The following FKBP1B variants were observed in gnomAD, a reference collection of about 807,000 sequenced individuals.
FKBP1B encodes the protein FKBP prolyl isomerase 1B, also known as peptidyl-prolyl cis-trans isomerase FKBP1B.
In FKBP1B, 4 loss-of-function variants were observed where a neutral mutation model predicts 13.5. The observed-to-expected ratio is 0.30, with a 90% CI of 0.15 to 0.68. The LOEUF (loss-of-function observed/expected upper bound fraction) is 0.68. FKBP1B is among the 30% of genes least tolerant of loss of function. FKBP1B has a pLI of 0.76. For synonymous variants in FKBP1B, 54 were observed against 53.6 expected, an observed-to-expected ratio of 1.01 and a Z score of -0.03; for missense variants, 93 against 136.2, an observed-to-expected ratio of 0.68 and a Z score of 1.58.
At chr2:24,058,754 G>A (rs990459717) in intron 2 of FKBP1B, among the ~76,000 whole-genome samples, 1 of 152,216 alleles carries the variant, frequency 6.6e-6, no homozygotes, top group Non-Finnish European at 1.5e-5. Flanking sequence ...GAGTGCATAA[G>A]TGCATGTGAG....
At chr2:24,039,803 CT>C in the FKBP1B span, among the ~76,000 whole-genome samples, 322 of 146,874 alleles carry the variant, frequency 2.2e-3, 1 homozygote, top group Middle Eastern at 7.1e-3. Context: ...TATTTTTCTT[CT>C]TTTTTTTTTT....
chr2:24,039,421 C>T, the FKBP1B span: 6 of 1,614,246 alleles, frequency 3.7e-6, no homozygotes, highest in Non-Finnish European at 5.1e-6. Context: ...CCAGGCAAGG[C>T]CATGGATCGG....
At chr2:24,042,535 C>CAA in the FKBP1B span, among the ~76,000 whole-genome samples, 348 of 61,234 alleles carry the variant, frequency 5.7e-3, 4 homozygotes, top group Middle Eastern at 0.012. Context: ...TACTCCGTCT[C>CAA]AAAAAAAAAA....
the FKBP1B span, among the ~76,000 whole-genome samples, chr2:24,034,192 G>A: frequency 1.3e-5 from 2 of 152,130 alleles, no homozygotes; most frequent in African/African-American, 4.8e-5. Flanking sequence ...AGGCCAAGGC[G>A]GGTGGATCAC....
intron 2 of FKBP1B, among the ~76,000 whole-genome samples, chr2:24,055,538 G>A (rs1363062733): frequency 6.6e-6 from 1 of 152,068 alleles, no homozygotes; most frequent in African/African-American, 2.4e-5. Context: ...TTGTCTCCAT[G>A]GATTGGTTTT....
At chr2:24,037,031 T>A in the FKBP1B span, among the ~76,000 whole-genome samples, 1 of 152,238 alleles carries the variant, frequency 6.6e-6, no homozygotes, top group East Asian at 1.9e-4. Flanking sequence ...GAACATAACC[T>A]TTTCCTTTTT....
the FKBP1B span, among the ~76,000 whole-genome samples, chr2:24,037,357 A>G: frequency 6.6e-6 from 1 of 152,226 alleles, no homozygotes; most frequent in African/African-American, 2.4e-5. Flanking sequence ...GAGTATCTCT[A>G]TTATATAAGG....
the FKBP1B span, among the ~76,000 whole-genome samples, chr2:24,035,842 G>A: frequency 1.3e-5 from 2 of 151,676 alleles, no homozygotes; most frequent in Non-Finnish European, 2.9e-5. Context: ...AGGCCAAGGC[G>A]GGCAGATCAC....
intron 1 of FKBP1B, among the ~76,000 whole-genome samples, chr2:24,052,361 A>G (rs918341349): frequency 6.6e-6 from 1 of 152,180 alleles, no homozygotes; most frequent in Non-Finnish European, 1.5e-5. Context: ...CAAGCCCTGC[A>G]TGATCCATGT....
chr2:24,042,078 C>G, the FKBP1B span, among the ~76,000 whole-genome samples: 1 of 151,908 alleles, frequency 6.6e-6, no homozygotes, highest in Admixed American at 6.6e-5. Context: ...TAAAATGTTG[C>G]AATAATAAAC....
intron 1 of FKBP1B, among the ~76,000 whole-genome samples, chr2:24,051,364 G>C (rs543202973): frequency 6.6e-6 from 1 of 151,236 alleles, no homozygotes; most frequent in Non-Finnish European, 1.5e-5. Flanking sequence ...ATGCATGTTT[G>C]ACTATGCCCC....
chr2:24,063,480 C>T lies in FKBP1B; in HGVS notation c.*288C>T, dbSNP rs900491172. 2.6e-4 allele frequency: 87 copies of T among 333,324 alleles called. No individual in the cohort carries two copies. The highest frequency in any genetic ancestry group is 1.3e-3 in the African/African-American group (62 of 47,228). The allele number at this position is 333,324 out of a possible 1,614,324, so 20.6% of individuals were successfully genotyped here. ...GATGACAGAACACAGATCTCTTGTT[C>T]GCACAATCTACACTGCCTTACCTTC... On this transcript the variant is annotated 3_prime_UTR_variant, in exon 4 of 4. Coordinates refer to ENST00000380986, the MANE Select transcript of FKBP1B (RefSeq NM_004116.5).
rs893989296 is a variant in FKBP1B at position 24,063,394 on chromosome 2, G to A, written c.*202G>A. 1.7e-5 allele frequency: 9 copies of A among 519,824 alleles called. No individual in the cohort carries two copies. Among genetic ancestry groups the A allele is most frequent in the African/African-American group, 1.2e-4 (6 of 50,752 alleles). The allele number at this position is 519,824 out of a possible 1,614,324, so 32.2% of individuals were successfully genotyped here. ...GCGAATTCTTGCTTGAGGAAACTTC[G>A]GTTGCAGATTGAAGCATTTCAGGTT... On this transcript the variant is annotated 3_prime_UTR_variant, in exon 4 of 4. Coordinates refer to ENST00000380986, the MANE Select transcript of FKBP1B (RefSeq NM_004116.5).
At chr2:24,040,902 GC>G in the FKBP1B span, among the ~76,000 whole-genome samples, 1 of 152,146 alleles carries the variant, frequency 6.6e-6, no homozygotes, top group Non-Finnish European at 1.5e-5. Context: ...TATACTCCCA[GC>G]TACTTAGAAG....
intron 2 of FKBP1B, among the ~76,000 whole-genome samples, chr2:24,060,346 G>C (rs1445364787): frequency 6.6e-6 from 1 of 152,148 alleles, no homozygotes; most frequent in Non-Finnish European, 1.5e-5. Context: ...CAGTTCAGGA[G>C]TTCAAGACCA....
chr2:24,062,585 A>C (rs1664442670), intron 3 of FKBP1B, among the ~76,000 whole-genome samples: 1 of 152,130 alleles, frequency 6.6e-6, no homozygotes, highest in African/African-American at 2.4e-5. Flanking sequence ...AAGTGCTGGG[A>C]TTACAGGTGT....
chr2:24,056,783 C>T lies in FKBP1B; in HGVS notation c.85+2834C>T, dbSNP rs183382501. On this transcript the variant is annotated intron_variant, in intron 2 of 3. Transcript: ENST00000380986. ...TTCACTCCCTGCAACCTACACTTCCCGGGTTCAAGTGATTCTCCTGCCTCA... is the reference window on the plus strand; with the variant it reads ...TTCACTCCCTGCAACCTACACTTCCTGGGTTCAAGTGATTCTCCTGCCTCA... 1.2e-4 allele frequency among the ~76,000 whole-genome samples: 18 copies of T among 151,888 alleles called. No individual in the cohort carries two copies. In the East Asian group the frequency reaches 2.3e-3, roughly 20 times the overall value.
chr2:24,045,358 T>C (rs914552036), upstream of FKBP1B, among the ~76,000 whole-genome samples: 1 of 151,834 alleles, frequency 6.6e-6, no homozygotes, highest in Non-Finnish European at 1.5e-5. Context: ...TCCCAGCACT[T>C]TGGGAGGCTG....
At chr2:24,044,350 A>T in the FKBP1B span, among the ~76,000 whole-genome samples, 3 of 152,062 alleles carry the variant, frequency 2.0e-5, no homozygotes, top group Non-Finnish European at 4.4e-5. Context: ...GCTCACTGCA[A>T]CCTCTGCTTC....
Sources: allele counts gnomAD v4.1 joint callset (sites outside exome capture counted in the v4.1 genomes callset), GRCh38; gene constraint gnomAD v4.1.1; transcripts MANE v1.5; gene names NCBI Gene and HGNC (gene_info 2026-07-23, HGNC 2026-07-21).